MARCHF1: variants seen among roughly 807,000 people sequenced by gnomAD.
MARCHF1 encodes membrane associated ring-CH-type finger 1.
Under a neutral mutation model 54.2 loss-of-function variants are expected in MARCHF1, and 40 were observed. That is an observed-to-expected ratio of 0.74 (90% CI 0.57 to 0.96). MARCHF1 has a LOEUF of 0.96. Among genes scored for constraint, MARCHF1 ranks in the 40% least tolerant of loss-of-function variants. The pLI is 0.00. For synonymous variants in MARCHF1, 236 were observed against 236.3 expected (o/e 1.00, Z 0.01); for missense variants, 586 against 656.5 (o/e 0.89, Z 1.17).
chr4:163,652,344 T>G (rs1742996561), intron 5 of MARCHF1, among the ~76,000 whole-genome samples: 1 of 151,912 alleles, frequency 6.6e-6, no homozygotes. Context: ...AAGACACACA[T>G]GAGATACGTC....
intron 4 of MARCHF1, among the ~76,000 whole-genome samples, chr4:163,847,667 G>A (rs1034867641): frequency 1.5e-5 from 2 of 136,132 alleles, no homozygotes; most frequent in African/African-American, 2.7e-5. Flanking sequence ...TGCAACCTCC[G>A]CCTCCTGGGT....
At chr4:164,275,895 A>C (rs1313942844) in intron 1 of MARCHF1, among the ~76,000 whole-genome samples, 1 of 152,198 alleles carries the variant, frequency 6.6e-6, no homozygotes, top group Admixed American at 6.5e-5. Flanking sequence ...TTGGACTTTC[A>C]CAAAAATTCA....
intron 4 of MARCHF1, among the ~76,000 whole-genome samples, chr4:163,724,885 G>A (rs373848236): frequency 3.3e-5 from 5 of 152,152 alleles, no homozygotes; most frequent in African/African-American, 7.2e-5. Flanking sequence ...GGAGTGACCC[G>A]ATTTTCCAGG....
At chr4:164,023,431 C>T (rs1283048507) in intron 2 of MARCHF1, among the ~76,000 whole-genome samples, 1 of 152,086 alleles carries the variant, frequency 6.6e-6, no homozygotes, top group Admixed American at 6.5e-5. Context: ...TCTTAAGCAC[C>T]ATCTATTGGA....
intron 1 of MARCHF1, among the ~76,000 whole-genome samples, chr4:164,358,260 T>A (rs1730620106): frequency 6.6e-6 from 1 of 152,154 alleles, no homozygotes; most frequent in South Asian, 2.1e-4. Flanking sequence ...AGCATCCTCT[T>A]GGAATGCCTA....
At chr4:163,620,651 G>GCA (rs147923508) in intron 5 of MARCHF1, among the ~76,000 whole-genome samples, 28 of 88,404 alleles carry the variant, frequency 3.2e-4, no homozygotes, top group East Asian at 8.1e-4. Context: ...AGAGAGACAC[G>GCA]CACACACACA....
intron 1 of MARCHF1, among the ~76,000 whole-genome samples, chr4:164,363,583 T>C (rs1481829056): frequency 6.6e-6 from 1 of 152,020 alleles, no homozygotes; most frequent in Non-Finnish European, 1.5e-5. Context: ...TTCATCCAGG[T>C]AGCTCCTGGC....
chr4:163,955,627 T>C (rs1434808215), intron 3 of MARCHF1, among the ~76,000 whole-genome samples: 1 of 152,140 alleles, frequency 6.6e-6, no homozygotes, highest in African/African-American at 2.4e-5. Context: ...TTCTTGAAGA[T>C]CGCATCTAAC....
intron 5 of MARCHF1, among the ~76,000 whole-genome samples, chr4:163,676,012 A>ATTATTTAGT (rs1358494258): frequency 2.2e-5 from 3 of 138,824 alleles, no homozygotes; most frequent in African/African-American, 8.2e-5. Context: ...TTCATGTGAT[A>ATTATTTAGT]TTATTTAGTT....
chr4:164,297,283 G>A (rs989530782), intron 1 of MARCHF1, among the ~76,000 whole-genome samples: 4 of 152,114 alleles, frequency 2.6e-5, no homozygotes, highest in African/African-American at 9.7e-5. Flanking sequence ...AGTATGAGAA[G>A]GTCTGAGAAA....
At chr4:163,859,856 C>T (rs1010919092) in intron 3 of MARCHF1, among the ~76,000 whole-genome samples, 2 of 152,170 alleles carry the variant, frequency 1.3e-5, no homozygotes, top group Non-Finnish European at 2.9e-5. Flanking sequence ...TAAATAGTTA[C>T]ACCCAGAGAT....
chr4:164,177,551 A>T (rs757090378), intron 1 of MARCHF1, among the ~76,000 whole-genome samples: 1 of 152,016 alleles, frequency 6.6e-6, no homozygotes, highest in Non-Finnish European at 1.5e-5. Flanking sequence ...AAAACTAAGG[A>T]CAAGTTCTTT....
chr4:163,682,489 C>T (rs952087781), intron 5 of MARCHF1, among the ~76,000 whole-genome samples: 30 of 152,306 alleles, frequency 2.0e-4, no homozygotes, highest in South Asian at 4.1e-4. Flanking sequence ...TTTAGTGCCG[C>T]GGGCCCAGGG....
At chr4:164,175,628 G>A (rs2110991016) in intron 1 of MARCHF1, among the ~76,000 whole-genome samples, 1 of 152,302 alleles carries the variant, frequency 6.6e-6, no homozygotes, top group African/African-American at 2.4e-5. Context: ...CCTCTGTAAT[G>A]TAAGTAGACT....
rs1328036821 is a variant in MARCHF1, at chr4:164,189,738, G to T, written c.-322-78076C>A. The T allele has an allele frequency of 5.0e-6, 6 of 1,208,364 alleles. No homozygotes were observed. In the East Asian group the frequency reaches 1.4e-4, roughly 28 times the overall value. 74.9% of individuals were successfully genotyped at this position (1,208,364 alleles called of 1,614,324 possible). A position where few individuals can be genotyped will look rare whatever the true frequency, so the allele number is the denominator to read the frequency against. On this transcript the variant is annotated intron_variant, in intron 1 of 9. Coordinates refer to ENST00000514618, the MANE Select transcript of MARCHF1 (RefSeq NM_001394959.1). ...AGTCCATATCTTTTCTATAGCTTCTGATAATCAACCAACTGTCATAATCAA... is the reference window on the plus strand; with the variant it reads ...AGTCCATATCTTTTCTATAGCTTCTTATAATCAACCAACTGTCATAATCAA...
At chr4:163,564,502 G>T (rs375281506) in intron 8 of MARCHF1, among the ~76,000 whole-genome samples, 1 of 152,174 alleles carries the variant, frequency 6.6e-6, no homozygotes, top group Non-Finnish European at 1.5e-5. Flanking sequence ...ACATACTTGT[G>T]TTCTCAAATC....
At chr4:163,947,350 G>T (rs1034926849) in intron 3 of MARCHF1, among the ~76,000 whole-genome samples, 27 of 152,162 alleles carry the variant, frequency 1.8e-4, no homozygotes, top group African/African-American at 6.3e-4. Context: ...TGTTGGCCAT[G>T]TCCTAATTCC....
chr4:164,087,779 T>C (rs1400020952), intron 2 of MARCHF1, among the ~76,000 whole-genome samples: 1 of 147,994 alleles, frequency 6.8e-6, no homozygotes, highest in African/African-American at 2.5e-5. Context: ...ATCCTCATTG[T>C]ATTCCTTAAT....
chr4:164,356,970 G>A (rs1158512220), intron 1 of MARCHF1, among the ~76,000 whole-genome samples: 1 of 151,746 alleles, frequency 6.6e-6, no homozygotes, highest in Admixed American at 6.6e-5. Flanking sequence ...CCCAGTGGGT[G>A]GAGGGTAGGA....
Sources: gnomAD v4.1 joint callset for allele counts (sites outside exome capture counted in the v4.1 genomes callset) on GRCh38, gnomAD v4.1.1 for gene constraint, MANE v1.5 for transcripts, NCBI Gene and HGNC (gene_info 2026-07-23, HGNC 2026-07-21) for gene names.